The following CNST variants were observed in gnomAD, a reference collection of about 807,000 sequenced individuals.
The protein encoded by CNST is consortin.
In CNST, 39 loss-of-function variants were observed where a neutral mutation model predicts 72.4. The ratio of observed to expected loss-of-function variants is 0.54; its 90% CI spans 0.42 to 0.70. The LOEUF (loss-of-function observed/expected upper bound fraction) is 0.70. Ranked by LOEUF, CNST falls within the 30% of genes least tolerant of loss-of-function variation. The probability of loss-of-function intolerance (pLI) is 0.00; values close to 1 mark genes in which losing one functional copy is unlikely to be tolerated. For missense variants in CNST, 871 were observed against 868.5 expected, an observed-to-expected ratio of 1.00 and a Z score of -0.04; for synonymous variants, 332 against 320.1, an observed-to-expected ratio of 1.04 and a Z score of -0.40.
chr1:246,617,277 G>A (rs1663772362), intron 2 of CNST, among the ~76,000 whole-genome samples: 1 of 152,190 alleles, frequency 6.6e-6, no homozygotes, highest in Admixed American at 6.5e-5. Flanking sequence ...CAAACCTACA[G>A]TATTGGTGAA....
Position 246,647,311 on chromosome 1 carries a change from G to A in CNST, c.1110G>A (p.Thr370=), listed in dbSNP as rs140541041. 2.2e-4 allele frequency: 354 copies of A among 1,613,992 alleles called. No homozygotes were observed. The highest frequency in any genetic ancestry group is 2.7e-4 in the Non-Finnish European group (321 of 1,180,030). Residue 370 remains threonine, a synonymous_variant, in exon 9 of 11, where the codon ACG becomes ACA. Coordinates refer to ENST00000366513, the MANE Select transcript of CNST (RefSeq NM_152609.3). ...MEELLCSAEA[T]LALHTQSSET... ...AGCTGCTCTGCAGCGCTGAAGCCAC[G>A]TTAGCGCTCCACACCCAGTCCTCCG...
intron 10 of CNST, among the ~76,000 whole-genome samples, chr1:246,661,516 T>C (rs1488280178): frequency 6.6e-6 from 1 of 152,114 alleles, no homozygotes; most frequent in East Asian, 1.9e-4. Flanking sequence ...TAGAAAAGAG[T>C]GTCTCTCGAG....
chr1:246,631,056 T>G (rs1664747444), intron 3 of CNST, among the ~76,000 whole-genome samples: 1 of 152,242 alleles, frequency 6.6e-6, no homozygotes, highest in Non-Finnish European at 1.5e-5. Flanking sequence ...GGAAACTGTT[T>G]TAAGAATACA....
At chr1:246,584,767 C>T (rs191588707) in intron 1 of CNST, among the ~76,000 whole-genome samples, 3 of 152,266 alleles carry the variant, frequency 2.0e-5, no homozygotes, top group Admixed American at 2.0e-4. Context: ...CTTCTATATG[C>T]TCCCCAACTC....
chr1:246,590,535 G>A (rs1661480299), intron 1 of CNST, among the ~76,000 whole-genome samples: 2 of 152,016 alleles, frequency 1.3e-5, no homozygotes, highest in African/African-American at 4.8e-5. Flanking sequence ...GGTATAGGGT[G>A]AATATTTTAT....
At chr1:246,659,682 G>C (rs1241055470) in intron 9 of CNST, among the ~76,000 whole-genome samples, 1 of 152,140 alleles carries the variant, frequency 6.6e-6, no homozygotes, top group Non-Finnish European at 1.5e-5. Flanking sequence ...GCATTATTTA[G>C]TAAATGCGTA....
rs1455541811 is a variant in CNST at position 246,634,590 on chromosome 1, A to C, written c.818+3A>C. The stretch of plus-strand genomic sequence containing the variant: ...AAAATTTGTGCAACACATCAAGAGT[A>C]AGTATATCAGAATTTCGTTAGAATG... On this transcript the variant is annotated splice_donor_region_variant and intron_variant, in intron 6 of 10. Transcript: ENST00000366513. The C allele has an allele frequency of 6.0e-6, 9 of 1,506,266 alleles. No individual in the cohort carries two copies. The highest frequency in any genetic ancestry group is 7.3e-6 in the Non-Finnish European group (8 of 1,097,072). The allele number at this position is 1,506,266 out of a possible 1,614,324, so 93.3% of individuals were successfully genotyped here.
At position 246,664,431 on chromosome 1, in the gene CNST, C is replaced by CT. The variant is rs571280092; in HGVS notation, c.1973-1256dup. 7.5e-3 allele frequency among the ~76,000 whole-genome samples: 1,079 copies of CT among 143,958 alleles called. 5 individuals are homozygous for CT. The highest frequency in any genetic ancestry group is 0.045 in the East Asian group (226 of 5,016). The allele number at this position is 143,958 out of a possible 152,430, so 94.4% of individuals were successfully genotyped here. A position where few individuals can be genotyped will look rare whatever the true frequency, so the allele number is the denominator to read the frequency against. On this transcript the variant is annotated intron_variant, in intron 10 of 10. Transcript: ENST00000366513. ...CATTCAGTTAACACTGTCTTTTTTT[C>CT]TTTTTTTTTTTTTGAGAAGGAGTCT...
At chr1:246,639,333 T>A (rs1481897694) in intron 6 of CNST, among the ~76,000 whole-genome samples, 1 of 152,024 alleles carries the variant, frequency 6.6e-6, no homozygotes, top group Non-Finnish European at 1.5e-5. Context: ...TAGCTTAGTA[T>A]AACGGTTTGG....
Position 246,591,601 on chromosome 1 carries a change from A to G in CNST, c.39A>G (p.Ile13Met), listed in dbSNP as rs748848608. ...ATACTCCTACATATTATCTGCAAAT[A>G]GAACCACAAGATGGATGTCATCCTG... The part of the protein sequence containing the change: ...DSDTPTYYLQ[I>M]EPQDGCHPGD... Residue 13 changes from isoleucine (I) to methionine (M), a missense_variant, in exon 2 of 11, where the codon ATA (isoleucine) becomes ATG (methionine). Ile to Met is a conservative substitution (Grantham distance 10). Coordinates refer to ENST00000366513, the MANE Select transcript of CNST (RefSeq NM_152609.3). 26 of 1,614,066 alleles carry G rather than the reference A, an allele frequency of 1.6e-5. No individual in the cohort carries two copies. In the Admixed American group the frequency reaches 4.3e-4, roughly 27 times the overall value.
chr1:246,619,154 G>GAAA (rs397983629), intron 2 of CNST, among the ~76,000 whole-genome samples: 2,099 of 145,296 alleles, frequency 0.014, 53 homozygotes, highest in African/African-American at 0.049. Flanking sequence ...AGAGAAAAGG[G>GAAA]AAAAAAAAAA....
Position 246,647,397 on chromosome 1 carries a change from G to A in CNST, c.1196G>A (p.Arg399His), listed in dbSNP as rs750500514. 9.3e-6 allele frequency: 15 copies of A among 1,613,970 alleles called. No homozygotes were observed. Among genetic ancestry groups the A allele is most frequent in the Admixed American group, 6.7e-5 (4 of 59,988 alleles). The stretch of plus-strand genomic sequence containing the variant: ...GAGGATGCTTGTGAGGATGACAGTC[G>A]CTTGCAGCTGGCTCAAACAGAGGCC... ...SSEDACEDDS[R>H]LQLAQTEACQ... Residue 399 changes from arginine (R) to histidine (H), a missense_variant, in exon 9 of 11, where the codon CGC (arginine) becomes CAC (histidine). Transcript: ENST00000366513.
At chr1:246,568,098 C>G (rs1354407389) in intron 1 of CNST, among the ~76,000 whole-genome samples, 2 of 151,002 alleles carry the variant, frequency 1.3e-5, no homozygotes, top group East Asian at 1.9e-4. Flanking sequence ...GCCGGGAGTT[C>G]GAAGCCAGAC....
intron 5 of CNST, 167 bp from the exon 6 acceptor site, chr1:246,634,306 A>G (rs1269722811): frequency 1.8e-6 from 1 of 569,996 alleles, no homozygotes; most frequent in Non-Finnish European, 3.1e-6. Flanking sequence ...GATGATATTT[A>G]CTTATATTGA....
At chr1:246,574,632 G>C (rs1320065502) in intron 1 of CNST, among the ~76,000 whole-genome samples, 2 of 151,772 alleles carry the variant, frequency 1.3e-5, no homozygotes, top group Non-Finnish European at 2.9e-5. Flanking sequence ...TGTTGCCCCA[G>C]CTGGTCTAGA....
At position 246,637,860 on chromosome 1, in the gene CNST, C is replaced by T. The variant is rs150940940; in HGVS notation, c.818+3273C>T. On this transcript the variant is annotated intron_variant, in intron 6 of 10. Coordinates refer to ENST00000366513, the MANE Select transcript of CNST (RefSeq NM_152609.3). Reference sequence around the variant, plus strand: ...TTGCACCTTCTGAAGTTGTTGGGAACGCTTCTACCCACCCAGAGAAAGTAC... The same window carrying T: ...TTGCACCTTCTGAAGTTGTTGGGAATGCTTCTACCCACCCAGAGAAAGTAC... 2.0e-3 allele frequency among the ~76,000 whole-genome samples: 297 copies of T among 152,240 alleles called. 5 individuals carry two copies. Among genetic ancestry groups the T allele is most frequent in the East Asian group, 0.014 (70 of 5,182 alleles).
At chr1:246,579,373 T>C (rs767167659) in intron 1 of CNST, among the ~76,000 whole-genome samples, 22 of 152,222 alleles carry the variant, frequency 1.4e-4, no homozygotes, top group Non-Finnish European at 3.1e-4. Flanking sequence ...TATTATAAGC[T>C]CTTCCTCCCA....
At chr1:246,578,410 C>T (rs368102287) in intron 1 of CNST, among the ~76,000 whole-genome samples, 4 of 152,026 alleles carry the variant, frequency 2.6e-5, no homozygotes, top group East Asian at 1.9e-4. Context: ...TGGTGGCTCA[C>T]GCCTGTAATC....
At chr1:246,578,205 A>G (rs1380845038) in intron 1 of CNST, among the ~76,000 whole-genome samples, 1 of 152,104 alleles carries the variant, frequency 6.6e-6, no homozygotes, top group Non-Finnish European at 1.5e-5. Context: ...TCCAGATGGG[A>G]AATAATATAT....
Sources: allele counts gnomAD v4.1 joint callset (sites outside exome capture counted in the v4.1 genomes callset), GRCh38; gene constraint gnomAD v4.1.1; transcripts MANE v1.5; gene names NCBI Gene and HGNC (gene_info 2026-07-23, HGNC 2026-07-21).